The following PDE1A variants were observed in gnomAD, a reference collection of about 807,000 sequenced individuals.
The protein encoded by PDE1A is dual specificity calcium/calmodulin-dependent 3',5'-cyclic nucleotide phosphodiesterase 1A.
In PDE1A, 35 loss-of-function variants were observed where a neutral mutation model predicts 61.7. The observed-to-expected ratio is 0.57, with a 90% CI of 0.43 to 0.75. The LOEUF (loss-of-function observed/expected upper bound fraction) is 0.75, where lower values mean the gene tolerates loss of function less well. Ranked by LOEUF, PDE1A falls within the 30% of genes least tolerant of loss-of-function variation. The probability of loss-of-function intolerance (pLI) is 0.00; values close to 1 mark genes in which losing one functional copy is unlikely to be tolerated. For synonymous variants in PDE1A, 232 were observed against 213.2 expected (o/e 1.09, Z -0.77); for missense variants, 597 against 630.6 (o/e 0.95, Z 0.57).
At chr2:182,609,482 C>T in the PDE1A span, among the ~76,000 whole-genome samples, 11 of 152,198 alleles carry the variant, frequency 7.2e-5, no homozygotes, top group East Asian at 1.9e-4. Context: ...TGAGTTGTAA[C>T]GCTTACCGTG....
At chr2:182,344,767 C>CAT (rs1698416388) in intron 1 of PDE1A, among the ~76,000 whole-genome samples, 1 of 151,892 alleles carries the variant, frequency 6.6e-6, no homozygotes, top group Non-Finnish European at 1.5e-5. Flanking sequence ...CACACACACA[C>CAT]ACATACACAG....
At chr2:182,296,969 T>G (rs1031415698) in intron 1 of PDE1A, among the ~76,000 whole-genome samples, 1 of 152,184 alleles carries the variant, frequency 6.6e-6, no homozygotes, top group African/African-American at 2.4e-5. Context: ...CAGGCTGCTC[T>G]GGTTCTCAGG....
At chr2:182,195,903 G>A (rs1410702261) in intron 10 of PDE1A, among the ~76,000 whole-genome samples, 1 of 152,032 alleles carries the variant, frequency 6.6e-6, no homozygotes, top group African/African-American at 2.4e-5. Context: ...TAGATACATA[G>A]ACACAGTTCA....
chr2:182,478,377 T>G (rs1429303295), intron 2 of PDE1A, among the ~76,000 whole-genome samples: 1 of 151,874 alleles, frequency 6.6e-6, no homozygotes, highest in African/African-American at 2.4e-5. Flanking sequence ...TATCATTCTC[T>G]TGGATTGGCA....
intron 2 of PDE1A, among the ~76,000 whole-genome samples, chr2:182,494,766 T>C (rs573244328): frequency 3.3e-4 from 50 of 152,204 alleles, no homozygotes; most frequent in African/African-American, 1.2e-3. Context: ...TGGAATCTTC[T>C]TCCTCTCCAA....
At chr2:182,255,682 G>C (rs1461311835) in intron 2 of PDE1A, among the ~76,000 whole-genome samples, 2 of 136,304 alleles carry the variant, frequency 1.5e-5, no homozygotes, top group Non-Finnish European at 3.1e-5. Context: ...TTTTGAGACA[G>C]AGTCTTGCTC....
chr2:182,547,799 T>C, the PDE1A span, among the ~76,000 whole-genome samples: 1 of 152,224 alleles, frequency 6.6e-6, no homozygotes, highest in Non-Finnish European at 1.5e-5. Context: ...AATACTAATA[T>C]ATTTATCAAT....
At chr2:182,507,346 T>C (rs1689477660) in intron 2 of PDE1A, among the ~76,000 whole-genome samples, 1 of 152,220 alleles carries the variant, frequency 6.6e-6, no homozygotes, top group Non-Finnish European at 1.5e-5. Flanking sequence ...TATTGTTTTC[T>C]CACAATTTTG....
chr2:182,236,461 T>C (rs555388216), intron 3 of PDE1A, among the ~76,000 whole-genome samples: 71 of 151,952 alleles, frequency 4.7e-4, no homozygotes, highest in African/African-American at 1.6e-3. Flanking sequence ...AGCGTCAATA[T>C]AAAAATCATT....
At chr2:182,208,357 G>C (rs1193861532) in intron 7 of PDE1A, among the ~76,000 whole-genome samples, 1 of 152,148 alleles carries the variant, frequency 6.6e-6, no homozygotes, top group African/African-American at 2.4e-5. Context: ...GCAGGAGAGA[G>C]AGAGTGCAGG....
chr2:182,480,879 T>G, intron 2 of PDE1A, among the ~76,000 whole-genome samples: 1 of 151,844 alleles, frequency 6.6e-6, no homozygotes, highest in Middle Eastern at 3.2e-3. Flanking sequence ...GGAAGGGATA[T>G]TTCCTCTCTT....
rs192327101 is a variant in PDE1A at position 182,452,987 on chromosome 2, C to T, written c.101+69289G>A. 2.2e-3 allele frequency among the ~76,000 whole-genome samples: 333 copies of T among 152,144 alleles called. 7 individuals are homozygous for T. Among genetic ancestry groups the T allele is most frequent in the East Asian group, 9.7e-4 (5 of 5,160 alleles). On this transcript the variant is annotated intron_variant, in intron 2 of 14. Transcript: ENST00000410103. ...CTTTTTTATTTTGCCATGGACAGTC[C>T]GCACAAACAGATCCAAGCTGACCTA...
At chr2:182,644,244 A>G in the PDE1A span, among the ~76,000 whole-genome samples, 1 of 133,756 alleles carries the variant, frequency 7.5e-6, no homozygotes, top group Non-Finnish European at 1.6e-5. Flanking sequence ...CGATGTCTCC[A>G]GGTCAGAGTC....
intron 2 of PDE1A, among the ~76,000 whole-genome samples, chr2:182,458,633 G>A (rs1686076307): frequency 6.6e-6 from 1 of 152,074 alleles, no homozygotes; most frequent in Non-Finnish European, 1.5e-5. Flanking sequence ...GATGATTACA[G>A]GAAGTAGCAG....
chr2:182,511,085 G>C (rs1379604000), intron 2 of PDE1A, among the ~76,000 whole-genome samples: 13 of 152,064 alleles, frequency 8.5e-5, no homozygotes. Flanking sequence ...TAAATAATTT[G>C]TGTGTCAACT....
intron 2 of PDE1A, among the ~76,000 whole-genome samples, chr2:182,447,336 T>G (rs1685209757): frequency 1.3e-5 from 2 of 152,036 alleles, no homozygotes; most frequent in South Asian, 4.1e-4. Context: ...CAGAATCTAC[T>G]GAGAGATTTT....
At chr2:182,384,592 A>C in intron 1 of PDE1A, among the ~76,000 whole-genome samples, 1 of 151,860 alleles carries the variant, frequency 6.6e-6, no homozygotes, top group South Asian at 2.1e-4. Context: ...TTGAACTCCA[A>C]GACAGGTTAT....
chr2:182,644,693 C>A, the PDE1A span, among the ~76,000 whole-genome samples: 1 of 152,034 alleles, frequency 6.6e-6, no homozygotes, highest in Non-Finnish European at 1.5e-5. Context: ...AGGATACAAC[C>A]TGTTCAGAGG....
chr2:182,680,263 G>C, the PDE1A span, among the ~76,000 whole-genome samples: 2 of 149,880 alleles, frequency 1.3e-5, no homozygotes, highest in Non-Finnish European at 3.0e-5. Flanking sequence ...ACCTAGGCTA[G>C]AGTGCAGTGG....
Sources: allele counts gnomAD v4.1 joint callset (sites outside exome capture counted in the v4.1 genomes callset), GRCh38; gene constraint gnomAD v4.1.1; transcripts MANE v1.5; gene names NCBI Gene and HGNC (gene_info 2026-07-23, HGNC 2026-07-21).